RPA1: variants seen among roughly 807,000 people sequenced by gnomAD.
The protein encoded by RPA1 is replication protein A1, also known as replication protein A 70 kDa DNA-binding subunit.
Under a neutral mutation model 83.0 loss-of-function variants are expected in RPA1, and 49 were observed. The observed-to-expected ratio is 0.59, with a 90% CI of 0.47 to 0.75. The LOEUF is 0.75. Among genes scored for constraint, RPA1 ranks in the 30% least tolerant of loss-of-function variants. The pLI, the probability that RPA1 is intolerant of heterozygous loss-of-function variation, is 0.00. For missense variants in RPA1, 693 were observed against 776.1 expected (o/e 0.89, Z 1.27); for synonymous variants, 279 against 281.8 (o/e 0.99, Z 0.10).
Position 1,858,425 on chromosome 17 carries a change from G to A in RPA1, c.361+5236G>A, listed in dbSNP as rs191262664. On this transcript the variant is annotated intron_variant, in intron 5 of 16. Coordinates refer to ENST00000254719, the MANE Select transcript of RPA1 (RefSeq NM_002945.5). The stretch of plus-strand genomic sequence containing the variant: ...GCTCGGAGGCAATGACGACCAACGT[G>A]TCTCAGCAACAGCGCAGCCATCTTG... 2,909 of 1,543,994 alleles carry A rather than the reference G, an allele frequency of 1.9e-3. 44 individuals carry two copies. In the South Asian group the frequency reaches 0.022, roughly 11 times the overall value.
chr17:1,866,699 GA>G (rs780589050), intron 5 of RPA1, among the ~76,000 whole-genome samples: 5 of 152,246 alleles, frequency 3.3e-5, no homozygotes, highest in Non-Finnish European at 7.3e-5. Flanking sequence ...GACTTCAGGT[GA>G]TCTGCCCACC....
At chr17:1,872,326 T>C in intron 5 of RPA1, 108 bp from the exon 6 acceptor site, 2 of 1,492,440 alleles carry the variant, frequency 1.3e-6, no homozygotes, top group Non-Finnish European at 1.8e-6. Flanking sequence ...TGGGAGTCTT[T>C]GACAAAATAA....
intron 8 of RPA1, among the ~76,000 whole-genome samples, chr17:1,878,335 G>T (rs1340565049): frequency 6.6e-6 from 1 of 151,956 alleles, no homozygotes; most frequent in Non-Finnish European, 1.5e-5. Flanking sequence ...AAAAATAGAT[G>T]TTTTTTTTGG....
At chr17:1,858,336 G>C (rs1479803292) in intron 5 of RPA1, 2 of 1,608,130 alleles carry the variant, frequency 1.2e-6, no homozygotes, top group Admixed American at 3.3e-5. Flanking sequence ...CAGTGCCACG[G>C]TGGCAGATGG....
intron 5 of RPA1, among the ~76,000 whole-genome samples, chr17:1,860,926 A>C (rs1392972135): frequency 6.6e-6 from 1 of 152,080 alleles, no homozygotes; most frequent in African/African-American, 2.4e-5. Context: ...AGAGAATCAG[A>C]GAGCTGCATT....
chr17:1,858,540 T>C, intron 5 of RPA1: 2 of 722,438 alleles, frequency 2.8e-6, no homozygotes, highest in Non-Finnish European at 4.8e-6. Flanking sequence ...CTCGGCTCAC[T>C]GCAGCCTCCG....
At chr17:1,875,897 T>C in intron 7 of RPA1, 104 bp downstream of exon 7, 1 of 1,080,986 alleles carries the variant, frequency 9.3e-7, no homozygotes, top group South Asian at 2.4e-5. Context: ...CACCACCAAA[T>C]ACCACCAAAT....
chr17:1,863,110 A>T (rs1192510837), intron 5 of RPA1, among the ~76,000 whole-genome samples: 1 of 151,432 alleles, frequency 6.6e-6, no homozygotes, highest in African/African-American at 2.4e-5. Flanking sequence ...TGTAGCCTCA[A>T]CCTCCCAGGC....
At chr17:1,889,688 C>T (rs1248970599) in intron 14 of RPA1, among the ~76,000 whole-genome samples, 1 of 151,852 alleles carries the variant, frequency 6.6e-6, no homozygotes, top group Non-Finnish European at 1.5e-5. Flanking sequence ...TAGAACTAGG[C>T]GATAATAGCA....
chr17:1,879,195 T>C lies in RPA1; in HGVS notation c.760-20T>C. 4.3e-6 allele frequency: 7 copies of C among 1,611,596 alleles called. No homozygotes were observed. Among genetic ancestry groups the C allele is most frequent in the Non-Finnish European group, 5.9e-6 (7 of 1,178,226 alleles). Reference sequence around the variant, plus strand: ...GATTTGATGGTAGTCTCAGGTTCTGTGGCTTGGCCTCCTTCGCAGGTGTAT... The same window carrying C: ...GATTTGATGGTAGTCTCAGGTTCTGCGGCTTGGCCTCCTTCGCAGGTGTAT... On this transcript the variant is annotated intron_variant, in intron 9 of 16. Coordinates refer to ENST00000254719, the MANE Select transcript of RPA1 (RefSeq NM_002945.5).
In RPA1 at chr17:1,897,560, C is replaced by A. The variant is rs894918365; in HGVS notation, c.*385C>A. 33 of 163,722 alleles carry A rather than the reference C, an allele frequency of 2.0e-4. No individual in the cohort carries two copies. The highest frequency in any genetic ancestry group is 3.9e-4 in the African/African-American group (16 of 41,258). The allele number at this position is 163,722 out of a possible 1,614,324, so 10.1% of individuals were successfully genotyped here. A position where few individuals can be genotyped will look rare whatever the true frequency, so the allele number is the denominator to read the frequency against. On this transcript the variant is annotated 3_prime_UTR_variant, in exon 17 of 17. Transcript: ENST00000254719. Reference sequence around the variant, plus strand: ...TTCTCCAGTGGTGACCACCCCCCCCCATCCCCGCTCACAACTTGGGTTCTT... The same window carrying A: ...TTCTCCAGTGGTGACCACCCCCCCCAATCCCCGCTCACAACTTGGGTTCTT...
intron 12 of RPA1, among the ~76,000 whole-genome samples, chr17:1,881,056 TTCTC>T (rs1289645685): frequency 6.6e-6 from 1 of 152,208 alleles, no homozygotes; most frequent in East Asian, 1.9e-4. Context: ...CATGCTTTCT[TTCTC>T]TGTCAAGTCT....
chr17:1,887,003 A>G (rs887490585), intron 13 of RPA1, among the ~76,000 whole-genome samples: 7 of 152,134 alleles, frequency 4.6e-5, no homozygotes, highest in Non-Finnish European at 8.8e-5. Context: ...ACAGAATTGA[A>G]GAAAGGTGAG....
intron 5 of RPA1, among the ~76,000 whole-genome samples, chr17:1,865,383 A>G (rs529109466): frequency 6.6e-6 from 1 of 152,342 alleles, no homozygotes; most frequent in East Asian, 1.9e-4. Flanking sequence ...GGAATGTTAT[A>G]TACATAATTA....
intron 4 of RPA1, among the ~76,000 whole-genome samples, chr17:1,850,242 TA>T (rs1338620789): frequency 3.5e-5 from 5 of 142,120 alleles, no homozygotes; most frequent in Non-Finnish European, 6.1e-5. Flanking sequence ...CTTAAAAAAA[TA>T]ATCCTAGGGC....
At chr17:1,871,407 C>T (rs1033688479) in intron 5 of RPA1, among the ~76,000 whole-genome samples, 1 of 152,068 alleles carries the variant, frequency 6.6e-6, no homozygotes, top group Non-Finnish European at 1.5e-5. Context: ...CCTTGGAAAA[C>T]GCAGCAGGAA....
intron 5 of RPA1, chr17:1,858,175 A>C: frequency 6.2e-7 from 1 of 1,613,998 alleles, no homozygotes; most frequent in Non-Finnish European, 8.5e-7. Context: ...GGTATGATAC[A>C]TGAGAGGGAA....
At chr17:1,850,712 A>G (rs1175439849) in intron 4 of RPA1, among the ~76,000 whole-genome samples, 1 of 152,056 alleles carries the variant, frequency 6.6e-6, no homozygotes, top group Non-Finnish European at 1.5e-5. Context: ...CCTGGCCAAC[A>G]TGGTGAAACC....
chr17:1,846,687 G>A (rs938851346), intron 4 of RPA1, among the ~76,000 whole-genome samples: 11 of 152,078 alleles, frequency 7.2e-5, no homozygotes, highest in Non-Finnish European at 1.5e-4. Flanking sequence ...TCTTTTCAAC[G>A]AAGTTTTTCT....
Sources: allele counts gnomAD v4.1 joint callset (sites outside exome capture counted in the v4.1 genomes callset), GRCh38; gene constraint gnomAD v4.1.1; transcripts MANE v1.5; gene names NCBI Gene and HGNC (gene_info 2026-07-23, HGNC 2026-07-21).